The following RGS6 variants were observed in gnomAD, a reference collection of about 807,000 sequenced individuals.
RGS6 encodes regulator of G-protein signaling 6.
A neutral mutation model predicts 78.5 loss-of-function variants in RGS6; 30 were observed. The observed-to-expected ratio is 0.38, with a 90% CI of 0.29 to 0.52. The LOEUF (loss-of-function observed/expected upper bound fraction) is 0.52, where lower values mean the gene tolerates loss of function less well. Among genes scored for constraint, RGS6 ranks in the 20% least tolerant of loss-of-function variants. The probability of loss-of-function intolerance (pLI) is 0.85; values close to 1 mark genes in which losing one functional copy is unlikely to be tolerated. For missense variants in RGS6, 495 were observed against 609.7 expected (o/e 0.81, Z 1.98); for synonymous variants, 206 against 206.0 (o/e 1.00, Z 0.00).
intron 11 of RGS6, among the ~76,000 whole-genome samples, chr14:72,477,826 AC>A (rs1234555842): frequency 4.0e-5 from 6 of 150,550 alleles, no homozygotes; most frequent in Admixed American, 1.3e-4. Flanking sequence ...AGAAAAAAAA[AC>A]CACACAGAAA....
chr14:72,283,612 C>T (rs371907096), intron 2 of RGS6, among the ~76,000 whole-genome samples: 2 of 152,312 alleles, frequency 1.3e-5, no homozygotes, highest in South Asian at 2.1e-4. Flanking sequence ...GGCACCCCAC[C>T]CCCAGCCATG....
intron 2 of RGS6, among the ~76,000 whole-genome samples, chr14:72,062,487 A>T (rs2093941568): frequency 6.6e-6 from 1 of 152,248 alleles, no homozygotes; most frequent in South Asian, 2.1e-4. Flanking sequence ...ACCAGCAAGG[A>T]GACTTTTGCA....
intron 12 of RGS6, among the ~76,000 whole-genome samples, chr14:72,487,597 G>C (rs1011308577): frequency 1.3e-5 from 2 of 152,204 alleles, no homozygotes; most frequent in Non-Finnish European, 2.9e-5. Flanking sequence ...GAGTGATGCA[G>C]CATGAGAAAA....
intron 2 of RGS6, among the ~76,000 whole-genome samples, chr14:72,083,198 T>C (rs1367429789): frequency 6.6e-6 from 1 of 152,200 alleles, no homozygotes; most frequent in African/African-American, 2.4e-5. Flanking sequence ...AAAGAAAGAA[T>C]AGAATTCACG....
chr14:72,035,737 C>G (rs994398176), intron 2 of RGS6, among the ~76,000 whole-genome samples: 9 of 152,090 alleles, frequency 5.9e-5, no homozygotes, highest in Non-Finnish European at 1.5e-5. Flanking sequence ...CATTTGTGCC[C>G]TGTGCTTTTC....
chr14:72,105,082 T>A (rs1184527903), intron 2 of RGS6, among the ~76,000 whole-genome samples: 2 of 152,308 alleles, frequency 1.3e-5, no homozygotes, highest in East Asian at 3.9e-4. Context: ...CCTATGGGAA[T>A]CAGATCCAGA....
intron 2 of RGS6, among the ~76,000 whole-genome samples, chr14:72,294,589 G>T (rs567365811): frequency 6.6e-6 from 1 of 152,302 alleles, no homozygotes; most frequent in African/African-American, 2.4e-5. Flanking sequence ...CATGTTGCTG[G>T]AGGCTGTGCA....
At chr14:72,359,012 C>G (rs907033019) in intron 3 of RGS6, among the ~76,000 whole-genome samples, 2 of 152,154 alleles carry the variant, frequency 1.3e-5, no homozygotes, top group Non-Finnish European at 2.9e-5. Flanking sequence ...CTCATGAGAT[C>G]TGATAGTTTT....
At chr14:72,566,886 C>T (rs974348349), downstream of RGS6, among the ~76,000 whole-genome samples, 4 of 152,126 alleles carry the variant, frequency 2.6e-5, no homozygotes, top group East Asian at 1.9e-4. Context: ...TGCTCTGACA[C>T]CCTCTTGAAT....
rs78075700 is a variant in RGS6, at chr14:72,155,381, G to C, written c.84+190506G>C. ...TGAGGGCTTGTTACCTGGAATCAAA[G>C]ACTTGTCAGAACTCAAGATGACCTT... On this transcript the variant is annotated intron_variant, in intron 2 of 17. Transcript: ENST00000553525. 4.6e-3 allele frequency among the ~76,000 whole-genome samples: 694 copies of C among 152,288 alleles called. 7 individuals are homozygous for C. The highest frequency in any genetic ancestry group is 0.016 in the African/African-American group (656 of 41,552).
At chr14:72,369,948 C>G (rs145965089) in intron 3 of RGS6, among the ~76,000 whole-genome samples, 19 of 152,006 alleles carry the variant, frequency 1.2e-4, no homozygotes, top group African/African-American at 4.6e-4. Context: ...GTAATGCTTC[C>G]ATTGCTTTGA....
intron 2 of RGS6, among the ~76,000 whole-genome samples, chr14:72,042,131 T>TTC (rs2092465226): frequency 1.1e-5 from 1 of 92,518 alleles, no homozygotes; most frequent in South Asian, 3.1e-4. Context: ...TTCTTTTTCT[T>TTC]TTTTTTTTTT....
At chr14:72,505,886 T>A (rs1365717298) in intron 13 of RGS6, among the ~76,000 whole-genome samples, 1 of 152,254 alleles carries the variant, frequency 6.6e-6, no homozygotes, top group African/African-American at 2.4e-5. Context: ...TTCCTTTGAA[T>A]CTGGCTTTCT....
Position 72,186,252 on chromosome 14 carries a change from C to T in RGS6, c.85-165843C>T, listed in dbSNP as rs544853924. 2.6e-5 allele frequency among the ~76,000 whole-genome samples: 4 copies of T among 152,344 alleles called. No homozygotes were observed. In the South Asian group the frequency reaches 8.3e-4, roughly 32 times the overall value. ...GAATCCTTCTCAATGTAGACAAAATCTGTCTGCTATCCTGACCTATGTTAT... is the reference window on the plus strand; with the variant it reads ...GAATCCTTCTCAATGTAGACAAAATTTGTCTGCTATCCTGACCTATGTTAT... On this transcript the variant is annotated intron_variant, in intron 2 of 17. Transcript: ENST00000553525.
intron 2 of RGS6, among the ~76,000 whole-genome samples, chr14:72,100,512 TAGAA>T (rs1444297322): frequency 6.6e-6 from 1 of 151,636 alleles, no homozygotes; most frequent in Admixed American, 6.6e-5. Context: ...CAAAAAAAGG[TAGAA>T]AGAAAGACTG....
intron 2 of RGS6, among the ~76,000 whole-genome samples, chr14:72,166,093 G>GACAC (rs3055029): frequency 0.013 from 1,371 of 107,766 alleles, 2 homozygotes; most frequent in South Asian, 0.015. Context: ...CCATTTTTGA[G>GACAC]ACACACACAC....
intron 17 of RGS6, 94 bp from the exon 18 acceptor site, chr14:72,562,323 G>A (rs2097686804): frequency 7.7e-7 from 1 of 1,297,494 alleles, no homozygotes; most frequent in Non-Finnish European, 1.1e-6. Context: ...GGCCTACATG[G>A]CTCATGCAAC....
At chr14:72,099,927 G>A (rs1376262942) in intron 2 of RGS6, among the ~76,000 whole-genome samples, 2 of 152,056 alleles carry the variant, frequency 1.3e-5, no homozygotes, top group Admixed American at 6.5e-5. Flanking sequence ...GAGTGATGGG[G>A]ACTTCTTGAA....
At chr14:72,049,996 G>A (rs961782073) in intron 2 of RGS6, among the ~76,000 whole-genome samples, 2 of 152,102 alleles carry the variant, frequency 1.3e-5, no homozygotes, top group African/African-American at 4.8e-5. Context: ...TGATTTTGAT[G>A]CAGTAAAGAC....
Sources: gnomAD v4.1 joint callset for allele counts (sites outside exome capture counted in the v4.1 genomes callset) on GRCh38, gnomAD v4.1.1 for gene constraint, MANE v1.5 for transcripts, NCBI Gene and HGNC (gene_info 2026-07-23, HGNC 2026-07-21) for gene names.